SORCS2: variants seen among roughly 807,000 people sequenced by gnomAD.
The protein encoded by SORCS2 is sortilin related VPS10 domain containing receptor 2, also known as VPS10 domain-containing receptor SorCS2.
In SORCS2, 100 loss-of-function variants were observed where a neutral mutation model predicts 141.6. The observed-to-expected ratio is 0.71, with a 90% confidence interval of 0.60 to 0.83. The LOEUF (loss-of-function observed/expected upper bound fraction) is 0.83. Among genes scored for constraint, SORCS2 ranks in the 40% least tolerant of loss-of-function variants. The pLI, the probability that SORCS2 is intolerant of heterozygous loss-of-function variation, is 0.00. For synonymous variants in SORCS2, 789 were observed against 676.9 expected, an observed-to-expected ratio of 1.17 and a Z score of -2.57; for missense variants, 1,646 against 1,560.2, an observed-to-expected ratio of 1.05 and a Z score of -0.93.
At chr4:7,412,035 C>A (rs1025649405) in intron 2 of SORCS2, among the ~76,000 whole-genome samples, 1 of 152,240 alleles carries the variant, frequency 6.6e-6, no homozygotes, top group Admixed American at 6.5e-5. Flanking sequence ...CAGATGCCAG[C>A]CATCCTTCTG....
At chr4:7,704,701 C>T (rs1305610881) in intron 14 of SORCS2, among the ~76,000 whole-genome samples, 1 of 152,210 alleles carries the variant, frequency 6.6e-6, no homozygotes, top group Non-Finnish European at 1.5e-5. Context: ...CCATGAGGGG[C>T]AAAGGGGCCT....
At chr4:7,414,841 T>G (rs761725162) in intron 2 of SORCS2, among the ~76,000 whole-genome samples, 48 of 152,276 alleles carry the variant, frequency 3.2e-4, no homozygotes, top group Middle Eastern at 3.4e-3. Flanking sequence ...ACTTCATACA[T>G]GGTTGGTGTT....
At chr4:7,298,698 C>A (rs1717236344) in intron 1 of SORCS2, among the ~76,000 whole-genome samples, 2 of 152,312 alleles carry the variant, frequency 1.3e-5, no homozygotes, top group Admixed American at 6.5e-5. Flanking sequence ...AGCCAGCACT[C>A]CCGCCGTAGT....
At chr4:7,683,020 TG>T (rs1187194443) in intron 10 of SORCS2, 131 bp downstream of exon 10, 4 of 1,201,652 alleles carry the variant, frequency 3.3e-6, no homozygotes, top group Non-Finnish European at 3.4e-6. Context: ...CTATTTCTGC[TG>T]GGTGTGGTAG....
At chr4:7,600,408 G>T (rs1192066817) in intron 3 of SORCS2, among the ~76,000 whole-genome samples, 1 of 152,162 alleles carries the variant, frequency 6.6e-6, no homozygotes, top group Admixed American at 6.5e-5. Flanking sequence ...TGGCACGAGT[G>T]CTTCTGTGCA....
intron 3 of SORCS2, among the ~76,000 whole-genome samples, chr4:7,555,204 C>A (rs1714019710): frequency 6.6e-6 from 1 of 152,238 alleles, no homozygotes. Flanking sequence ...CATTCCAGAA[C>A]CTCTGGCTGT....
intron 2 of SORCS2, among the ~76,000 whole-genome samples, chr4:7,488,585 C>T (rs1731130156): frequency 6.6e-6 from 1 of 152,240 alleles, no homozygotes; most frequent in African/African-American, 2.4e-5. Flanking sequence ...CCCAGACCTT[C>T]CCTGCCTCTG....
intron 3 of SORCS2, among the ~76,000 whole-genome samples, chr4:7,551,417 G>A (rs1407448237): frequency 6.6e-6 from 1 of 152,142 alleles, no homozygotes; most frequent in African/African-American, 2.4e-5. Flanking sequence ...AAGTCCAGCG[G>A]GGAAGACAGG....
chr4:7,352,852 G>T (rs761490974), intron 1 of SORCS2, among the ~76,000 whole-genome samples: 7 of 152,102 alleles, frequency 4.6e-5, no homozygotes, highest in Non-Finnish European at 7.4e-5. Context: ...GTCATCCTGG[G>T]GTGCGTATAA....
chr4:7,248,283 C>T (rs1484686278), intron 1 of SORCS2, among the ~76,000 whole-genome samples: 1 of 152,154 alleles, frequency 6.6e-6, no homozygotes, highest in East Asian at 1.9e-4. Context: ...GAGTGCTCTA[C>T]ACACGCTAAG....
intron 2 of SORCS2, among the ~76,000 whole-genome samples, chr4:7,480,324 C>G (rs13139074): frequency 0.075 from 11,405 of 152,198 alleles, 688 homozygotes; most frequent in South Asian, 0.25. Flanking sequence ...CCTGTGGCTG[C>G]ATTATTTAGA....
Position 7,569,467 on chromosome 4 carries a change from G to A in SORCS2, c.648+37838G>A, listed in dbSNP as rs575137992. Among the ~76,000 whole-genome samples, 14 of 152,302 alleles carry A rather than the reference G, an allele frequency of 9.2e-5. No individual in the cohort carries two copies. In the South Asian group the frequency reaches 1.4e-3, roughly 16 times the overall value. ...GCGGAGGTTGCGGTGAGCTGAGATC[G>A]CATTACTTCACTCCAGCCTGGGGGA... is the stretch of plus-strand genomic sequence containing the variant. On this transcript the variant is annotated intron_variant, in intron 3 of 26. Coordinates refer to ENST00000507866, the MANE Select transcript of SORCS2 (RefSeq NM_020777.3).
chr4:7,650,388 A>G (rs1277129193), intron 4 of SORCS2, among the ~76,000 whole-genome samples: 1 of 152,212 alleles, frequency 6.6e-6, no homozygotes. Context: ...TGGCAAGTGC[A>G]ACCACTTTGC....
chr4:7,413,413 A>G (rs142773984), intron 2 of SORCS2, among the ~76,000 whole-genome samples: 2 of 9,288 alleles, frequency 2.2e-4, no homozygotes, highest in African/African-American at 5.0e-4. Context: ...TTTTTTTTTG[A>G]GATAGAGTCT....
rs558532556 is a variant in SORCS2, at chr4:7,549,559, G to A, written c.648+17930G>A. On this transcript the variant is annotated intron_variant, in intron 3 of 26. Coordinates refer to ENST00000507866, the MANE Select transcript of SORCS2 (RefSeq NM_020777.3). Reference sequence around the variant, plus strand: ...CTTCCCCTTAACCTGCTGGCCATGGGCCACTGGGCTTCTCCAAGACTCTGT... The same window carrying A: ...CTTCCCCTTAACCTGCTGGCCATGGACCACTGGGCTTCTCCAAGACTCTGT... Among the ~76,000 whole-genome samples the A allele has an allele frequency of 2.0e-5, 3 of 152,278 alleles. No individual in the cohort carries two copies. The East Asian group carries it at 5.8e-4, about 29-fold the overall frequency.
At chr4:7,270,651 A>G (rs1407038662) in intron 1 of SORCS2, among the ~76,000 whole-genome samples, 1 of 152,266 alleles carries the variant, frequency 6.6e-6, no homozygotes, top group Non-Finnish European at 1.5e-5. Context: ...TCCACTAAAA[A>G]AAGATCCCTC....
At chr4:7,463,054 C>A (rs572554292) in intron 2 of SORCS2, among the ~76,000 whole-genome samples, 1 of 151,968 alleles carries the variant, frequency 6.6e-6, no homozygotes, top group East Asian at 1.9e-4. Flanking sequence ...CCACAAAGGC[C>A]CCTCCAGTTC....
intron 3 of SORCS2, among the ~76,000 whole-genome samples, chr4:7,598,399 C>G (rs1282515514): frequency 6.6e-6 from 1 of 152,130 alleles, no homozygotes; most frequent in Non-Finnish European, 1.5e-5. Context: ...ACCTTGCTGC[C>G]AAAGCAATAA....
At chr4:7,496,850 G>A (rs529527725) in intron 2 of SORCS2, among the ~76,000 whole-genome samples, 36 of 152,238 alleles carry the variant, frequency 2.4e-4, no homozygotes, top group African/African-American at 7.9e-4. Flanking sequence ...ACAGGGCTCC[G>A]GGCACAACTC....
Sources: allele counts gnomAD v4.1 joint callset (sites outside exome capture counted in the v4.1 genomes callset), GRCh38; gene constraint gnomAD v4.1.1; transcripts MANE v1.5; gene names NCBI Gene and HGNC (gene_info 2026-07-23, HGNC 2026-07-21).